Variants in PHACTR4 observed in about 807,000 individuals in gnomAD.
PHACTR4 encodes the protein protein phosphatase 1, regulatory subunit 124.
Under a neutral mutation model 72.7 loss-of-function variants are expected in PHACTR4, and 51 were observed. The observed-to-expected ratio is 0.70, with a 90% CI of 0.56 to 0.89. PHACTR4 has a LOEUF of 0.89. Ranked by LOEUF, PHACTR4 falls within the 40% of genes least tolerant of loss-of-function variation. The pLI, the probability that PHACTR4 is intolerant of heterozygous loss-of-function variation, is 0.00. For missense variants in PHACTR4, 731 were observed against 861.8 expected (o/e 0.85, Z 1.90); for synonymous variants, 255 against 302.5 (o/e 0.84, Z 1.63).
rs973138758 is a variant in PHACTR4, at chr1:28,494,599, C to A, written c.2093+1508C>A. Among the ~76,000 whole-genome samples, 4 of 152,174 alleles carry A rather than the reference C, an allele frequency of 2.6e-5. No individual in the cohort carries two copies. The South Asian group carries it at 8.3e-4, about 32-fold the overall frequency. Reference sequence around the variant, plus strand: ...CCCCGGAAGCAGAGGTTGCAGTGAGCCGAGATCGCGCAACTGCGCTCCAAC... The same window carrying A: ...CCCCGGAAGCAGAGGTTGCAGTGAGACGAGATCGCGCAACTGCGCTCCAAC... On this transcript the variant is annotated intron_variant, in intron 13 of 13. Coordinates refer to ENST00000373839, the MANE Select transcript of PHACTR4 (RefSeq NM_001048183.3).
At chr1:28,461,409 C>A (rs1040895929) in intron 4 of PHACTR4, among the ~76,000 whole-genome samples, 5 of 152,068 alleles carry the variant, frequency 3.3e-5, no homozygotes, top group African/African-American at 4.8e-5. Flanking sequence ...CCACTGCACT[C>A]CAGCCTGGGC....
At chr1:28,422,069 T>C (rs1014085062) in intron 2 of PHACTR4, among the ~76,000 whole-genome samples, 1 of 152,190 alleles carries the variant, frequency 6.6e-6, no homozygotes, top group African/African-American at 2.4e-5. Context: ...AAAGAGGAGA[T>C]TGAGAACTTT....
chr1:28,441,031 A>G (rs1221504214), intron 2 of PHACTR4, among the ~76,000 whole-genome samples: 1 of 152,172 alleles, frequency 6.6e-6, no homozygotes, highest in East Asian at 1.9e-4. Context: ...AAACACATGA[A>G]TGAATATATT....
intron 1 of PHACTR4, among the ~76,000 whole-genome samples, chr1:28,375,036 C>T (rs1358572235): frequency 6.6e-6 from 1 of 152,172 alleles, no homozygotes; most frequent in Non-Finnish European, 1.5e-5. Context: ...CGGTGGCTCA[C>T]GCCTGTAATC....
Position 28,396,565 on chromosome 1 carries a change from T to G in PHACTR4, c.-38-10845T>G, listed in dbSNP as rs114849402. ...AGAAGATAATAAAGATGCGTGTAGA[T>G]TACAGTATTTACTCCTTATATTAAT... On this transcript the variant is annotated intron_variant, in intron 1 of 13. Coordinates refer to ENST00000373839, the MANE Select transcript of PHACTR4 (RefSeq NM_001048183.3). Among the ~76,000 whole-genome samples, 620 of 151,728 alleles carry G rather than the reference T, an allele frequency of 4.1e-3. 6 individuals are homozygous for G. The highest frequency in any genetic ancestry group is 0.015 in the African/African-American group (601 of 41,406).
intron 2 of PHACTR4, among the ~76,000 whole-genome samples, chr1:28,452,557 C>A (rs1335490298): frequency 1.3e-5 from 2 of 152,010 alleles, no homozygotes; most frequent in Non-Finnish European, 2.9e-5. Context: ...GTAATCCCAG[C>A]ACTCTGGGAG....
intron 6 of PHACTR4, among the ~76,000 whole-genome samples, chr1:28,468,964 T>A (rs1411689622): frequency 6.6e-6 from 1 of 152,210 alleles, no homozygotes; most frequent in Non-Finnish European, 1.5e-5. Context: ...AGCTCATTCT[T>A]AGCTTGAGGT....
chr1:28,483,364 C>G (rs537253207), intron 9 of PHACTR4, among the ~76,000 whole-genome samples: 127 of 151,992 alleles, frequency 8.4e-4, no homozygotes, highest in Middle Eastern at 3.4e-3. Flanking sequence ...CCCAGGCGAT[C>G]AAGGCCCAGG....
At chr1:28,483,645 C>G (rs772441847) in intron 9 of PHACTR4, among the ~76,000 whole-genome samples, 2 of 151,058 alleles carry the variant, frequency 1.3e-5, no homozygotes, top group Non-Finnish European at 3.0e-5. Context: ...ACTAAAAATA[C>G]AAAAAAATTA....
chr1:28,379,398 G>A (rs570755653), intron 1 of PHACTR4, among the ~76,000 whole-genome samples: 66 of 150,834 alleles, frequency 4.4e-4, no homozygotes, highest in African/African-American at 1.5e-3. Context: ...TCAGCCTCCC[G>A]GGTAGCTGGG....
At chr1:28,475,742 T>TTTTTTTTTTTTG (rs1362148547) in intron 7 of PHACTR4, among the ~76,000 whole-genome samples, 1 of 151,440 alleles carries the variant, frequency 6.6e-6, no homozygotes, top group African/African-American at 2.4e-5. Context: ...TTTTTTTTTT[T>TTTTTTTTTTTTG]TGAGATAGAA....
intron 9 of PHACTR4, among the ~76,000 whole-genome samples, chr1:28,483,422 CCA>C (rs1328782724): frequency 2.0e-5 from 3 of 151,836 alleles, no homozygotes; most frequent in Admixed American, 2.0e-4. Context: ...GCACTCCAGC[CCA>C]GTCATCAGAG....
intron 1 of PHACTR4, among the ~76,000 whole-genome samples, chr1:28,384,122 C>CT (rs1453102368): frequency 6.6e-6 from 1 of 151,836 alleles, no homozygotes; most frequent in Non-Finnish European, 1.5e-5. Context: ...CTGAAGTTTT[C>CT]TTTTTTTTGT....
At chr1:28,391,599 CTTTTT>C (rs751801605) in intron 1 of PHACTR4, among the ~76,000 whole-genome samples, 48 of 98,806 alleles carry the variant, frequency 4.9e-4, no homozygotes, top group Middle Eastern at 0.015. Flanking sequence ...AAAATATATT[CTTTTT>C]TTTTTTTTTT....
At position 28,408,671 on chromosome 1, in the gene PHACTR4, T is replaced by TA. The variant is rs199899020; in HGVS notation, c.16+1208_16+1209insA. Among the ~76,000 whole-genome samples the TA allele has an allele frequency of 9.6e-3, 1,272 of 132,522 alleles. 16 individuals carry two copies. In the East Asian group the frequency reaches 0.1, roughly 11 times the overall value. 86.9% of individuals were successfully genotyped at this position (132,522 alleles called of 152,430 possible). A position where few individuals can be genotyped will look rare whatever the true frequency, so the allele number is the denominator to read the frequency against. On this transcript the variant is annotated intron_variant, in intron 2 of 13. Transcript: ENST00000373839. ...GTGTGTGTGTGTATATATATATATA[T>TA]TTTTTTTTAATTTATTTTTTTTGAG... is the stretch of plus-strand genomic sequence containing the variant.
intron 2 of PHACTR4, among the ~76,000 whole-genome samples, chr1:28,445,753 G>A (rs1657420842): frequency 6.6e-6 from 1 of 152,096 alleles, no homozygotes; most frequent in Admixed American, 6.6e-5. Context: ...AATTAGTCAG[G>A]TGTGGTGGTG....
chr1:28,384,050 G>A (rs7543755), intron 1 of PHACTR4, among the ~76,000 whole-genome samples: 5,030 of 152,100 alleles, frequency 0.033, 271 homozygotes, highest in African/African-American at 0.12. Context: ...GATGTGCTGC[G>A]GATTTGATTT....
At position 28,476,195 on chromosome 1, in the gene PHACTR4, C is replaced by A. The variant is rs752973134; in HGVS notation, c.1510C>A (p.Gln504Lys). 6.2e-7 allele frequency: 1 copy of A among 1,613,846 alleles called. No homozygotes were observed. The highest frequency in any genetic ancestry group is 8.5e-7 in the Non-Finnish European group (1 of 1,179,898). The stretch of plus-strand genomic sequence containing the variant: ...TACCTCAGTCATTCCTAAATTACCA[C>A]AGTGTCTACGGGAGGAAGAAGAGAA... The part of the protein sequence containing the change: ...TPTSVIPKLP[Q>K]CLREEEEKES... The change falls in exon 8 of 14, where the codon CAG becomes AAG. Residue 504 changes from glutamine to lysine, a missense_variant. This residue lies in a region of PHACTR4 where 621 missense variants were observed against 676.6 expected (regional missense o/e 0.92). Transcript: ENST00000373839.
intron 4 of PHACTR4, among the ~76,000 whole-genome samples, chr1:28,462,688 T>C (rs1658901666): frequency 6.6e-6 from 1 of 152,162 alleles, no homozygotes. Flanking sequence ...ATACTTTCTA[T>C]TAGCCCCTAA....
Sources: allele counts gnomAD v4.1 joint callset (sites outside exome capture counted in the v4.1 genomes callset), GRCh38; gene constraint gnomAD v4.1.1; regional missense constraint gnomAD v4.1.1; transcripts MANE v1.5; gene names NCBI Gene and HGNC (gene_info 2026-07-23, HGNC 2026-07-21).